ATG10: variants seen among roughly 807,000 people sequenced by gnomAD.
ATG10 encodes autophagy related 10, also known as ubiquitin-like-conjugating enzyme ATG10.
Under a neutral mutation model 32.1 loss-of-function variants are expected in ATG10, and 30 were observed. The observed-to-expected ratio is 0.94, with a 90% CI of 0.70 to 1.27. The LOEUF (loss-of-function observed/expected upper bound fraction) is 1.27. ATG10 is among the 50% of genes most tolerant of loss of function. ATG10 has a pLI of 0.00. For missense variants in ATG10, 233 were observed against 262.3 expected (o/e 0.89, Z 0.77); for synonymous variants, 87 against 91.5 (o/e 0.95, Z 0.28).
intron 3 of ATG10, among the ~76,000 whole-genome samples, chr5:82,067,883 G>A (rs1007611991): frequency 5.3e-5 from 8 of 152,184 alleles, no homozygotes; most frequent in African/African-American, 1.9e-4. Flanking sequence ...TTGTAATTTT[G>A]AGGTATTTTT....
At chr5:82,080,832 T>A (rs1306199297) in intron 3 of ATG10, among the ~76,000 whole-genome samples, 1 of 152,204 alleles carries the variant, frequency 6.6e-6, no homozygotes, top group Non-Finnish European at 1.5e-5. Flanking sequence ...CTTAGGATTG[T>A]CTTGGCAGTG....
At chr5:82,214,426 G>A (rs1404501437) in intron 5 of ATG10, among the ~76,000 whole-genome samples, 1 of 152,096 alleles carries the variant, frequency 6.6e-6, no homozygotes, top group African/African-American at 2.4e-5. Context: ...AGCAAACGAA[G>A]ACTACTAATT....
intron 5 of ATG10, among the ~76,000 whole-genome samples, chr5:82,183,964 T>C (rs1744349024): frequency 6.6e-6 from 1 of 152,228 alleles, no homozygotes; most frequent in African/African-American, 2.4e-5. Context: ...AGACATTGGC[T>C]CCTGAGTCAT....
intron 2 of ATG10, among the ~76,000 whole-genome samples, chr5:82,021,972 G>A (rs1219849693): frequency 6.7e-5 from 10 of 149,518 alleles, no homozygotes; most frequent in Admixed American, 3.4e-4. Flanking sequence ...GCAGTGAACC[G>A]AGATCACGCC....
At chr5:82,199,849 C>G (rs1581795155) in intron 5 of ATG10, among the ~76,000 whole-genome samples, 1 of 152,106 alleles carries the variant, frequency 6.6e-6, no homozygotes, top group Non-Finnish European at 1.5e-5. Context: ...TGTTCTCTGT[C>G]CCTATTGTTT....
chr5:82,180,401 C>G (rs1296914682), intron 5 of ATG10, among the ~76,000 whole-genome samples: 2 of 152,110 alleles, frequency 1.3e-5, no homozygotes, highest in Non-Finnish European at 2.9e-5. Context: ...AAAAATTGCC[C>G]CTCTGAAATC....
At chr5:82,096,819 A>G (rs992784044) in intron 3 of ATG10, among the ~76,000 whole-genome samples, 10 of 152,264 alleles carry the variant, frequency 6.6e-5, no homozygotes, top group Admixed American at 5.9e-4. Flanking sequence ...ATATCCTTTC[A>G]TACTGTGCTC....
chr5:81,982,708 C>CGGAAGG (rs1187471317), intron 1 of ATG10, among the ~76,000 whole-genome samples: 2 of 152,114 alleles, frequency 1.3e-5, no homozygotes, highest in African/African-American at 2.4e-5. Flanking sequence ...GAGGACCCTG[C>CGGAAGG]GGCCTTCCGC....
intron 5 of ATG10, among the ~76,000 whole-genome samples, chr5:82,245,378 A>T (rs1746984431): frequency 6.6e-6 from 1 of 152,228 alleles, no homozygotes; most frequent in South Asian, 2.1e-4. Context: ...CTGCACCGTT[A>T]ACATGCCTCA....
At chr5:82,252,713 A>G (rs1223859180) in intron 6 of ATG10, 54 bp downstream of exon 6, 2 of 1,039,854 alleles carry the variant, frequency 1.9e-6, no homozygotes, top group Admixed American at 2.4e-5. Context: ...AAAAGTGTAA[A>G]TCTTTTTATG....
At chr5:82,101,644 T>C (rs1765277674) in intron 3 of ATG10, among the ~76,000 whole-genome samples, 1 of 152,174 alleles carries the variant, frequency 6.6e-6, no homozygotes, top group Admixed American at 6.5e-5. Context: ...AGAGAAGAAT[T>C]TCCTAATAGT....
chr5:82,169,490 G>A (rs2149908169), intron 4 of ATG10, among the ~76,000 whole-genome samples: 1 of 147,142 alleles, frequency 6.8e-6, no homozygotes, highest in East Asian at 2.3e-4. Flanking sequence ...AAGGCAGCTT[G>A]TTGAATAGGA....
chr5:82,102,238 TTA>T (rs543156271), intron 3 of ATG10, among the ~76,000 whole-genome samples: 72 of 152,282 alleles, frequency 4.7e-4, no homozygotes, highest in African/African-American at 1.5e-3. Context: ...GGTGTTTCAA[TTA>T]TATATGTTTC....
chr5:82,089,318 GACA>G (rs1764800206), intron 3 of ATG10, among the ~76,000 whole-genome samples: 1 of 151,184 alleles, frequency 6.6e-6, no homozygotes, highest in African/African-American at 2.4e-5. Flanking sequence ...CTCTAGCCTG[GACA>G]ACAAGAGTGA....
chr5:82,057,476 A>G (rs2149748863), intron 2 of ATG10, among the ~76,000 whole-genome samples: 1 of 152,280 alleles, frequency 6.6e-6, no homozygotes, highest in East Asian at 1.9e-4. Flanking sequence ...GCACCGCTCC[A>G]GTCTTCATCT....
intron 3 of ATG10, among the ~76,000 whole-genome samples, chr5:82,154,973 T>G (rs531090210): frequency 6.6e-6 from 1 of 152,368 alleles, no homozygotes; most frequent in African/African-American, 2.4e-5. Context: ...GCCTGTGCTT[T>G]AGGATTCACA....
intron 5 of ATG10, among the ~76,000 whole-genome samples, chr5:82,232,500 T>C (rs1746401636): frequency 6.6e-6 from 1 of 152,232 alleles, no homozygotes; most frequent in Admixed American, 6.5e-5. Flanking sequence ...GAAGAATACC[T>C]ACTTTATAGA....
intron 2 of ATG10, among the ~76,000 whole-genome samples, chr5:82,037,414 A>ATTTT (rs1762964795): frequency 6.8e-6 from 1 of 146,866 alleles, no homozygotes; most frequent in Non-Finnish European, 1.5e-5. Context: ...CGCCCGGCTA[A>ATTTT]TTTTTTGTAT....
intron 3 of ATG10, among the ~76,000 whole-genome samples, chr5:82,162,072 T>C (rs1410021469): frequency 6.6e-6 from 1 of 152,170 alleles, no homozygotes; most frequent in Non-Finnish European, 1.5e-5. Context: ...TTTTTATATA[T>C]GTGTGTATAT....
Sources: allele counts gnomAD v4.1 joint callset (sites outside exome capture counted in the v4.1 genomes callset), GRCh38; gene constraint gnomAD v4.1.1; transcripts MANE v1.5; gene names NCBI Gene and HGNC (gene_info 2026-07-23, HGNC 2026-07-21).